Variants in FOXN3 observed in about 807,000 individuals in gnomAD.
FOXN3 encodes forkhead box N3, also known as forkhead box protein N3.
FOXN3 carries 7 observed loss-of-function variants against 38.4 expected under a neutral mutation model. The observed-to-expected ratio is 0.18, with a 90% CI of 0.10 to 0.34. FOXN3 has a LOEUF of 0.34. Among genes scored for constraint, FOXN3 ranks in the 10% least tolerant of loss-of-function variants. The probability of loss-of-function intolerance (pLI) is 1.00; values close to 1 mark genes in which losing one functional copy is unlikely to be tolerated. For synonymous variants in FOXN3, 230 were observed against 242.2 expected (o/e 0.95, Z 0.47); for missense variants, 456 against 613.4 (o/e 0.74, Z 2.71).
In FOXN3 at chr14:89,161,471, T is replaced by C. The variant is rs1470604653; in HGVS notation, c.*943A>G. The C allele has an allele frequency of 6.6e-6, 1 of 151,754 alleles. No individual in the cohort carries two copies. The highest frequency in any genetic ancestry group is 1.5e-5 in the Non-Finnish European group (1 of 67,978). The allele number at this position is 151,754 out of a possible 1,614,324, so 9.4% of individuals were successfully genotyped here. A position where few individuals can be genotyped will look rare whatever the true frequency, so the allele number is the denominator to read the frequency against. ...TATTTCCTTTCCTTAACAGCTATTG[T>C]AATTTCCTGGACTTGGTTGCTTTTC... On this transcript the variant is annotated 3_prime_UTR_variant, in exon 6 of 6. Transcript: ENST00000557258.
chr14:89,471,863 A>C (rs1893102336), intron 1 of FOXN3, among the ~76,000 whole-genome samples: 1 of 152,184 alleles, frequency 6.6e-6, no homozygotes. Flanking sequence ...GGCCACGGAG[A>C]TGAGGAATGA....
intron 1 of FOXN3, among the ~76,000 whole-genome samples, chr14:89,476,715 G>C (rs1482076869): frequency 6.6e-6 from 1 of 152,218 alleles, no homozygotes; most frequent in African/African-American, 2.4e-5. Flanking sequence ...TCCACCAGGA[G>C]ATAAACCTGA....
intron 4 of FOXN3, among the ~76,000 whole-genome samples, chr14:89,257,083 C>A (rs1885646328): frequency 1.3e-5 from 2 of 152,226 alleles, no homozygotes; most frequent in African/African-American, 4.8e-5. Context: ...TCCTTAACCA[C>A]CTATCCTGCA....
intron 4 of FOXN3, among the ~76,000 whole-genome samples, chr14:89,277,342 G>C (rs1886329862): frequency 6.6e-6 from 1 of 152,122 alleles, no homozygotes; most frequent in Admixed American, 6.6e-5. Context: ...AGCCTGCCCT[G>C]GGTCCCCTCT....
intron 3 of FOXN3, among the ~76,000 whole-genome samples, chr14:89,317,662 G>A (rs1887761285): frequency 6.6e-6 from 1 of 152,010 alleles, no homozygotes. Flanking sequence ...GTGACAAATA[G>A]GAGTTTGGCA....
rs1267369511 is a variant in FOXN3 at position 89,457,145 on chromosome 14, AGCCTCTT to A, written c.-14-44662_-14-44656del. Among the ~76,000 whole-genome samples, 5 of 152,228 alleles carry A rather than the reference AGCCTCTT, an allele frequency of 3.3e-5. No homozygotes were observed. In the South Asian group the frequency reaches 8.3e-4, roughly 25 times the overall value. ...ACTGGTTAATAAACAACATGGCGAT[AGCCTCTT>A]TAAATACAATGGTTCTCCTGTCTCT... On this transcript the variant is annotated intron_variant, in intron 1 of 6. Coordinates refer to the FOXN3 transcript ENST00000345097.
At chr14:89,498,736 T>C (rs1257493605) in intron 1 of FOXN3, among the ~76,000 whole-genome samples, 1 of 146,730 alleles carries the variant, frequency 6.8e-6, no homozygotes, top group Admixed American at 7.1e-5. Context: ...GGGGTGTTCA[T>C]GCAGCCACAG....
intron 2 of FOXN3, among the ~76,000 whole-genome samples, chr14:89,385,028 G>T (rs1890753864): frequency 6.6e-6 from 1 of 152,124 alleles, no homozygotes; most frequent in African/African-American, 2.4e-5. Context: ...GAGAATTATG[G>T]AATCTGCCGA....
chr14:89,424,380 C>T (rs1006035314), intron 1 of FOXN3, among the ~76,000 whole-genome samples: 1 of 152,164 alleles, frequency 6.6e-6, no homozygotes, highest in South Asian at 2.1e-4. Context: ...TCAGGAGGGA[C>T]AAAACGATCC....
At position 89,510,204 on chromosome 14, in the gene FOXN3, T is replaced by C. The variant is rs549126309; in HGVS notation, c.-14-97714A>G. Among the ~76,000 whole-genome samples the C allele has an allele frequency of 7.4e-4, 112 of 152,230 alleles. No homozygotes were observed. The South Asian group carries it at 0.023, about 31-fold the overall frequency. ...GGCTCAGGGAAGTTGAGTGACTTGC[T>C]CAAGGTCTCACTGCCAGTGAGACTG... is the stretch of plus-strand genomic sequence containing the variant. On this transcript the variant is annotated intron_variant, in intron 1 of 6. Coordinates refer to the FOXN3 transcript ENST00000345097.
intron 5 of FOXN3, among the ~76,000 whole-genome samples, chr14:89,171,185 T>C (rs1471748048): frequency 6.6e-6 from 1 of 152,140 alleles, no homozygotes; most frequent in Admixed American, 6.6e-5. Context: ...AATAACTCTT[T>C]GCCAATATAT....
Position 89,159,901 on chromosome 14 carries a change from C to T in FOXN3, c.*2513G>A, listed in dbSNP as rs1887058007. ...ATGCTGGAAGTATTCAGCTTCAGGT[C>T]ATGAATTCGACCTGCTGTAGAGGTG... On this transcript the variant is annotated 3_prime_UTR_variant, in exon 6 of 6. Transcript: ENST00000557258. 6.6e-6 allele frequency: 1 copy of T among 152,222 alleles called. No homozygotes were observed. Among genetic ancestry groups the T allele is most frequent in the Non-Finnish European group, 1.5e-5 (1 of 68,054 alleles). The allele number at this position is 152,222 out of a possible 1,614,324, so 9.4% of individuals were successfully genotyped here. A position where few individuals can be genotyped will look rare whatever the true frequency, so the allele number is the denominator to read the frequency against.
intron 1 of FOXN3, among the ~76,000 whole-genome samples, chr14:89,542,024 G>A (rs772975731): frequency 1.1e-4 from 17 of 152,140 alleles, no homozygotes; most frequent in African/African-American, 1.9e-4. Context: ...AATTCAGGGC[G>A]AGTCCGAAGT....
At position 89,271,254 on chromosome 14, in the gene FOXN3, C is replaced by G. The variant is rs181471210; in HGVS notation, c.745+9696G>C. 2.6e-3 allele frequency among the ~76,000 whole-genome samples: 402 copies of G among 152,308 alleles called. 3 individuals are homozygous for G. The highest frequency in any genetic ancestry group is 9.0e-3 in the African/African-American group (375 of 41,566). The stretch of plus-strand genomic sequence containing the variant: ...AATATATTCTAAAGAGTTATTCTTC[C>G]TCATTAAAATCTCTTGGCAATTGTA... On this transcript the variant is annotated intron_variant, in intron 4 of 5. Coordinates refer to ENST00000557258, the MANE Select transcript of FOXN3 (RefSeq NM_005197.4).
intron 1 of FOXN3, among the ~76,000 whole-genome samples, chr14:89,481,331 C>T (rs577830110): frequency 1.3e-5 from 2 of 152,210 alleles, no homozygotes; most frequent in East Asian, 1.9e-4. Flanking sequence ...GGCAGGGGAC[C>T]GGACGGGAAG....
intron 1 of FOXN3, among the ~76,000 whole-genome samples, chr14:89,440,614 C>T (rs1892362680): frequency 6.6e-6 from 1 of 152,214 alleles, no homozygotes; most frequent in African/African-American, 2.4e-5. Flanking sequence ...CCGACTCCTG[C>T]CCGCCAGAGA....
intron 4 of FOXN3, among the ~76,000 whole-genome samples, chr14:89,221,694 GAAGTA>G: frequency 6.6e-6 from 1 of 152,288 alleles, no homozygotes; most frequent in African/African-American, 2.4e-5. Context: ...ACACGGCTGG[GAAGTA>G]AAGTATCCCC....
intron 1 of FOXN3, among the ~76,000 whole-genome samples, chr14:89,487,413 G>C (rs1022976444): frequency 2.0e-5 from 3 of 152,182 alleles, no homozygotes; most frequent in Admixed American, 6.5e-5. Context: ...TGGAATAGCA[G>C]CATCAATATT....
At chr14:89,384,367 G>C (rs1476920607) in intron 2 of FOXN3, among the ~76,000 whole-genome samples, 1 of 152,120 alleles carries the variant, frequency 6.6e-6, no homozygotes, top group Non-Finnish European at 1.5e-5. Context: ...TCTACTTAGT[G>C]GAAGAATCAG....
Sources: allele counts gnomAD v4.1 joint callset (sites outside exome capture counted in the v4.1 genomes callset), GRCh38; gene constraint gnomAD v4.1.1; transcripts MANE v1.5; gene names NCBI Gene and HGNC (gene_info 2026-07-23, HGNC 2026-07-21).